Variants in MARK1 observed in about 807,000 individuals in gnomAD.
MARK1 encodes microtubule affinity regulating kinase 1, also known as serine/threonine-protein kinase MARK1.
A neutral mutation model predicts 96.3 loss-of-function variants in MARK1; 40 were observed. The observed-to-expected ratio is 0.42, with a 90% confidence interval of 0.32 to 0.54. MARK1 has a LOEUF of 0.54. Among genes scored for constraint, MARK1 ranks in the 20% least tolerant of loss-of-function variants. The pLI, the probability that MARK1 is intolerant of heterozygous loss-of-function variation, is 0.16. For missense variants in MARK1, 719 were observed against 984.6 expected (o/e 0.73, Z 3.61); for synonymous variants, 317 against 341.2 (o/e 0.93, Z 0.78).
At chr1:220,577,603 C>T (rs111439176) in intron 1 of MARK1, among the ~76,000 whole-genome samples, 84 of 152,300 alleles carry the variant, frequency 5.5e-4, no homozygotes, top group Middle Eastern at 6.8e-3. Flanking sequence ...GGAATAAGAC[C>T]AGAGAATTTG....
rs367694348 is a variant in MARK1 at position 220,591,215 on chromosome 1, AC to A, written c.310-7115del. On this transcript the variant is annotated intron_variant, in intron 3 of 17. Transcript: ENST00000366917. ...ACTTAAGAAATAATTAAATAAAAAA[AC>A]ACCCCAATACTTTTGGAGGAATTCC... Among the ~76,000 whole-genome samples, 559 of 152,316 alleles carry A rather than the reference AC, an allele frequency of 3.7e-3. 5 individuals carry two copies. Among genetic ancestry groups the A allele is most frequent in the African/African-American group, 0.013 (528 of 41,568 alleles).
intron 6 of MARK1, among the ~76,000 whole-genome samples, chr1:220,613,106 T>C (rs1666548046): frequency 6.6e-6 from 1 of 152,186 alleles, no homozygotes; most frequent in Non-Finnish European, 1.5e-5. Flanking sequence ...AGAAGGCTCA[T>C]AGGGAAGTTC....
At chr1:220,594,665 T>A (rs1206408030) in intron 3 of MARK1, among the ~76,000 whole-genome samples, 1 of 152,050 alleles carries the variant, frequency 6.6e-6, no homozygotes, top group African/African-American at 2.4e-5. Flanking sequence ...CAATGGTACA[T>A]CCAGACAGCA....
At chr1:220,644,902 A>G (rs1260498339) in intron 13 of MARK1, among the ~76,000 whole-genome samples, 1 of 152,220 alleles carries the variant, frequency 6.6e-6, no homozygotes, top group Admixed American at 6.5e-5. Flanking sequence ...GCAGTGTACC[A>G]GAATTTCTGG....
chr1:220,654,831 A>G lies in MARK1; in HGVS notation c.1988+1479A>G, dbSNP rs185983201. Among the ~76,000 whole-genome samples the G allele has an allele frequency of 5.6e-4, 86 of 152,358 alleles. No homozygotes were observed. The East Asian group carries it at 0.014, about 25-fold the overall frequency. Reference sequence around the variant, plus strand: ...GTGCAAAATATTTCTCTTAACTGCAACAAAAATTTAGACTCTAGGGGAAAC... The same window carrying G: ...GTGCAAAATATTTCTCTTAACTGCAGCAAAAATTTAGACTCTAGGGGAAAC... On this transcript the variant is annotated intron_variant, in intron 16 of 17. Transcript: ENST00000366917. The surrounding 1 kb of genome is among the most constrained non-coding windows in gnomAD (Gnocchi z 4.0).
chr1:220,628,510 A>G (rs777328735), intron 9 of MARK1, among the ~76,000 whole-genome samples: 34 of 152,274 alleles, frequency 2.2e-4, no homozygotes, highest in East Asian at 1.9e-4. Context: ...CCATTTGGCT[A>G]TATTTGACAG....
chr1:220,653,212 T>C lies in MARK1; in HGVS notation c.1848T>C (p.Gly616=). 1 of 1,614,232 alleles carries C rather than the reference T, an allele frequency of 6.2e-7. No individual in the cohort carries two copies. The highest frequency in any genetic ancestry group is 1.1e-5 in the South Asian group (1 of 91,088). ...GCTCAAGCCGAAGCACTTTCCATGG[T>C]GAACAGCTCCGGGAGCGACGCAGCG... ...RGSSSRSTFH[G]EQLRERRSVA... is the part of the protein sequence containing the mutation. Residue 616 remains glycine (G), a synonymous_variant, in exon 16 of 18, where the codon GGT becomes GGC. Transcript: ENST00000366917.
At chr1:220,645,839 C>T (rs544243450) in intron 13 of MARK1, among the ~76,000 whole-genome samples, 6 of 152,168 alleles carry the variant, frequency 3.9e-5, no homozygotes, top group African/African-American at 1.2e-4. Flanking sequence ...AAAAAGCCTT[C>T]GATAAAATTC....
intron 3 of MARK1, among the ~76,000 whole-genome samples, chr1:220,586,011 A>ACACACACACGCACGCGCG (rs112968910): frequency 5.4e-5 from 8 of 148,536 alleles, no homozygotes. Flanking sequence ...ACACACACAC[A>ACACACACACGCACGCGCG]CGCGCGCGTG....
intron 1 of MARK1, among the ~76,000 whole-genome samples, chr1:220,540,787 AT>A (rs1420145293): frequency 6.7e-6 from 1 of 150,206 alleles, no homozygotes; most frequent in East Asian, 2.0e-4. Context: ...TCTTTTGTTG[AT>A]TTTTTTCTGT....
intron 13 of MARK1, among the ~76,000 whole-genome samples, chr1:220,636,613 A>G (rs1667979566): frequency 6.6e-6 from 1 of 152,138 alleles, no homozygotes; most frequent in Admixed American, 6.5e-5. Context: ...ACAAAAAATA[A>G]AGAGGGAAGA....
At chr1:220,579,602 G>A in intron 2 of MARK1, 45 bp downstream of exon 2, 1 of 1,530,802 alleles carries the variant, frequency 6.5e-7, no homozygotes, top group Non-Finnish European at 9.0e-7. Flanking sequence ...GACCTCTCTG[G>A]AGTCTTGTTA....
At chr1:220,606,482 C>G (rs1410298598) in intron 6 of MARK1, among the ~76,000 whole-genome samples, 1 of 152,154 alleles carries the variant, frequency 6.6e-6, no homozygotes, top group Non-Finnish European at 1.5e-5. Context: ...GTTGCCTGTT[C>G]ACTCTGATGG....
chr1:220,565,502 G>T (rs888362235), intron 1 of MARK1, among the ~76,000 whole-genome samples: 1 of 151,978 alleles, frequency 6.6e-6, no homozygotes, highest in Non-Finnish European at 1.5e-5. Context: ...ACTTGTATAT[G>T]CACTGTTCTG....
At chr1:220,651,608 G>A (rs1451896643) in intron 14 of MARK1, among the ~76,000 whole-genome samples, 1 of 152,092 alleles carries the variant, frequency 6.6e-6, no homozygotes, top group Non-Finnish European at 1.5e-5. Context: ...TATGAATAAT[G>A]GACAATGAAC....
rs372556669 is a variant in MARK1 at position 220,532,298 on chromosome 1, T to C, written c.51+3425T>C. On this transcript the variant is annotated intron_variant, in intron 1 of 17. Transcript: ENST00000366917. ...CTTTTGAGAATCATTGTTAATGGCA[T>C]GAAGAAGCGAGAGGAAAGCATACCT... Among the ~76,000 whole-genome samples, 6 of 152,214 alleles carry C rather than the reference T, an allele frequency of 3.9e-5. No individual in the cohort carries two copies. The South Asian group carries it at 1.2e-3, about 32-fold the overall frequency.
chr1:220,544,371 G>C (rs192837698), intron 1 of MARK1, among the ~76,000 whole-genome samples: 1 of 152,184 alleles, frequency 6.6e-6, no homozygotes, highest in African/African-American at 2.4e-5. Context: ...ATGGCTTAAT[G>C]TTTTCTCAGT....
chr1:220,577,283 A>AT (rs1001235463), intron 1 of MARK1, among the ~76,000 whole-genome samples: 14 of 146,902 alleles, frequency 9.5e-5, no homozygotes, highest in Non-Finnish European at 1.7e-4. Context: ...AAAAAAAAAA[A>AT]GATACATCTT....
Position 220,574,229 on chromosome 1 carries a change from C to T in MARK1, c.52-5125C>T, listed in dbSNP as rs544338371. 7.9e-5 allele frequency among the ~76,000 whole-genome samples: 12 copies of T among 152,314 alleles called. No homozygotes were observed. In the East Asian group the frequency reaches 2.1e-3, roughly 27 times the overall value. On this transcript the variant is annotated intron_variant, in intron 1 of 17. Coordinates refer to ENST00000366917, the MANE Select transcript of MARK1 (RefSeq NM_018650.5). ...TTAGCAGACAGTTAATTTGGCTTGA[C>T]TCAAACTTCAAATTCAGCCTGCGTT... is the stretch of plus-strand genomic sequence containing the variant.
Sources: allele counts gnomAD v4.1 joint callset (sites outside exome capture counted in the v4.1 genomes callset), GRCh38; gene constraint gnomAD v4.1.1; non-coding constraint Gnocchi (gnomAD v3.1); transcripts MANE v1.5; gene names NCBI Gene and HGNC (gene_info 2026-07-23, HGNC 2026-07-21).